The following ACTR3C variants were observed in gnomAD, a reference collection of about 807,000 sequenced individuals.
ACTR3C encodes actin related protein 3C, also known as actin-related protein 3C.
ACTR3C carries 18 observed loss-of-function variants against 26.3 expected under a neutral mutation model. The observed-to-expected ratio is 0.68, with a 90% CI of 0.47 to 1.01. ACTR3C has a LOEUF of 1.01. Ranked by LOEUF, ACTR3C falls within the 50% of genes least tolerant of loss-of-function variation. ACTR3C has a pLI of 0.00. For synonymous variants in ACTR3C, 55 were observed against 94.5 expected (o/e 0.58, Z 2.42); for missense variants, 184 against 250.7 (o/e 0.73, Z 1.80).
chr7:150,269,468 C>T (rs1834290317), intron 6 of ACTR3C, among the ~76,000 whole-genome samples: 1 of 150,676 alleles, frequency 6.6e-6, no homozygotes, highest in Non-Finnish European at 1.5e-5. Flanking sequence ...CCAGGCCGCT[C>T]GCAGGTCTGA....
chr7:149,949,497 G>A, the ACTR3C span, among the ~76,000 whole-genome samples: 4 of 147,828 alleles, frequency 2.7e-5, no homozygotes, highest in African/African-American at 8.0e-5. Flanking sequence ...TGAACAGTTT[G>A]ATAGATTCCA....
intron 6 of ACTR3C, among the ~76,000 whole-genome samples, chr7:150,265,524 T>C (rs1251792524): frequency 6.6e-6 from 1 of 151,954 alleles, no homozygotes; most frequent in Admixed American, 6.6e-5. Flanking sequence ...TGAAACCCCA[T>C]CTCTACTAAA....
At chr7:150,318,497 C>T (rs1797163277) in intron 1 of ACTR3C, among the ~76,000 whole-genome samples, 1 of 152,188 alleles carries the variant, frequency 6.6e-6, no homozygotes, top group Non-Finnish European at 1.5e-5. Flanking sequence ...GTTGCGGTGG[C>T]TCACGCCTGT....
At chr7:150,052,237 ACT>A in the ACTR3C span, among the ~76,000 whole-genome samples, 7 of 150,586 alleles carry the variant, frequency 4.6e-5, no homozygotes, top group Non-Finnish European at 7.4e-5. Flanking sequence ...TCTGTTTCTC[ACT>A]CTCTATCTCT....
At chr7:150,034,002 T>TC in the ACTR3C span, among the ~76,000 whole-genome samples, 3 of 132,688 alleles carry the variant, frequency 2.3e-5, no homozygotes, top group South Asian at 2.6e-4. Context: ...GGGGATTGCC[T>TC]GCCCCCCTGC....
At chr7:150,015,114 T>C in the ACTR3C span, among the ~76,000 whole-genome samples, 1 of 152,020 alleles carries the variant, frequency 6.6e-6, no homozygotes, top group Admixed American at 6.5e-5. Flanking sequence ...TTAAATAAGG[T>C]TTATTCATTC....
At chr7:150,148,183 G>GAA in the ACTR3C span, among the ~76,000 whole-genome samples, 2 of 145,534 alleles carry the variant, frequency 1.4e-5, no homozygotes, top group East Asian at 2.0e-4. Context: ...AAGAAAAGGG[G>GAA]AAAAAAAAAA....
chr7:150,316,490 T>A (rs1272130573), intron 1 of ACTR3C, among the ~76,000 whole-genome samples: 5 of 139,502 alleles, frequency 3.6e-5, no homozygotes, highest in African/African-American at 1.2e-4. Flanking sequence ...GTTATTTTTT[T>A]TTTTTTTTTT....
the ACTR3C span, among the ~76,000 whole-genome samples, chr7:150,220,427 T>A: frequency 6.9e-6 from 1 of 144,406 alleles, no homozygotes; most frequent in African/African-American, 2.7e-5. Flanking sequence ...TGCAGCCGAG[T>A]CTGGGCGAGC....
chr7:150,198,862 G>T, the ACTR3C span, among the ~76,000 whole-genome samples: 39 of 146,164 alleles, frequency 2.7e-4, no homozygotes, highest in East Asian at 3.3e-3. Flanking sequence ...GGGCGCCTCT[G>T]CCTGGCCGCC....
At chr7:149,939,471 T>C in the ACTR3C span, among the ~76,000 whole-genome samples, 1 of 152,208 alleles carries the variant, frequency 6.6e-6, no homozygotes, top group Non-Finnish European at 1.5e-5. Flanking sequence ...GTGCATACAT[T>C]ACTTTGAAAA....
At chr7:150,311,102 G>A (rs916364304) in intron 1 of ACTR3C, among the ~76,000 whole-genome samples, 1 of 152,100 alleles carries the variant, frequency 6.6e-6, no homozygotes, top group African/African-American at 2.4e-5. Context: ...TAACCAAACT[G>A]CTTTACAAGC....
chr7:150,277,687 T>C (rs1834990322), intron 6 of ACTR3C, among the ~76,000 whole-genome samples: 1 of 152,010 alleles, frequency 6.6e-6, no homozygotes, highest in African/African-American at 2.4e-5. Flanking sequence ...GCAAGAACCC[T>C]GAACCTTTTC....
At chr7:150,095,048 C>T in the ACTR3C span, among the ~76,000 whole-genome samples, 2 of 148,448 alleles carry the variant, frequency 1.3e-5, no homozygotes, top group South Asian at 4.2e-4. Context: ...GCGATGTCAC[C>T]TGCCTCTGGG....
At chr7:150,279,353 C>A (rs1467971798) in intron 6 of ACTR3C, among the ~76,000 whole-genome samples, 2 of 152,214 alleles carry the variant, frequency 1.3e-5, no homozygotes, top group Non-Finnish European at 2.9e-5. Flanking sequence ...ATTTACCCTG[C>A]AACATGCTTC....
chr7:150,116,398 A>G, the ACTR3C span, among the ~76,000 whole-genome samples: 2 of 152,200 alleles, frequency 1.3e-5, no homozygotes, highest in Admixed American at 6.5e-5. Flanking sequence ...GTGCCCCCTG[A>G]TGCCTTCCTT....
the ACTR3C span, among the ~76,000 whole-genome samples, chr7:150,100,701 CTT>C: frequency 6.6e-6 from 1 of 150,442 alleles, no homozygotes; most frequent in Non-Finnish European, 1.5e-5. Context: ...TTGAGTTTTT[CTT>C]TCTTTCTTTC....
the ACTR3C span, among the ~76,000 whole-genome samples, chr7:150,036,149 GT>G: frequency 2.3e-5 from 3 of 131,418 alleles, no homozygotes; most frequent in Admixed American, 7.2e-5. Flanking sequence ...TCCCCGCCTC[GT>G]GGGGGGTGCC....
chr7:150,198,200 A>C, the ACTR3C span, among the ~76,000 whole-genome samples: 16 of 147,638 alleles, frequency 1.1e-4, no homozygotes, highest in East Asian at 2.0e-4. Flanking sequence ...ACTACAACCT[A>C]CACCTCCCAG....
Sources: allele counts gnomAD v4.1 joint callset (sites outside exome capture counted in the v4.1 genomes callset), GRCh38; gene constraint gnomAD v4.1.1; transcripts MANE v1.5; gene names NCBI Gene and HGNC (gene_info 2026-07-23, HGNC 2026-07-21).